ARHGAP8: variants seen among roughly 807,000 people sequenced by gnomAD.
ARHGAP8 encodes Rho GTPase activating protein 8.
ARHGAP8 carries 62 observed loss-of-function variants against 46.1 expected under a neutral mutation model. The observed-to-expected ratio is 1.34, with a 90% CI of 1.10 to 1.66. The LOEUF (loss-of-function observed/expected upper bound fraction) is 1.66, where lower values mean the gene tolerates loss of function less well. Among genes scored for constraint, ARHGAP8 ranks in the 40% most tolerant of loss-of-function variants. ARHGAP8 has a pLI of 0.00. For synonymous variants in ARHGAP8, 375 were observed against 243.1 expected, an observed-to-expected ratio of 1.54 and a Z score of -5.05; for missense variants, 923 against 568.4, an observed-to-expected ratio of 1.62 and a Z score of -6.34.
intron 7 of ARHGAP8, among the ~76,000 whole-genome samples, chr22:44,845,052 A>G (rs2069919613): frequency 6.6e-6 from 1 of 152,142 alleles, no homozygotes; most frequent in Non-Finnish European, 1.5e-5. Flanking sequence ...CTGTATCATA[A>G]ATATCCCTTT....
At chr22:44,786,400 C>G in intron 1 of ARHGAP8, 57 bp from the exon 2 acceptor site, 3 of 1,534,030 alleles carry the variant, frequency 2.0e-6, no homozygotes, top group Non-Finnish European at 2.6e-6. Flanking sequence ...AGGAGGCTCC[C>G]TCATTCCCCG....
In ARHGAP8 at chr22:44,825,474, T is replaced by G; in HGVS notation, c.486-9T>G. 18 of 1,609,046 alleles carry G rather than the reference T, an allele frequency of 1.1e-5. No individual in the cohort carries two copies. The highest frequency in any genetic ancestry group is 1.5e-5 in the Non-Finnish European group (18 of 1,176,962). ...CCAGGTGAGATCCCAGCCTCTGTTGTGTCTACAGGTACGATGAGAAGCTCC... is the reference window on the plus strand; with the variant it reads ...CCAGGTGAGATCCCAGCCTCTGTTGGGTCTACAGGTACGATGAGAAGCTCC... On this transcript the variant is annotated splice_polypyrimidine_tract_variant and intron_variant, in intron 6 of 11. Coordinates refer to ENST00000356099, the MANE Select transcript of ARHGAP8 (RefSeq NM_181335.3).
intron 1 of ARHGAP8, among the ~76,000 whole-genome samples, chr22:44,756,736 AATT>A (rs1216222584): frequency 6.6e-6 from 1 of 151,916 alleles, no homozygotes; most frequent in Non-Finnish European, 1.5e-5. Context: ...TTTTCTAAAA[AATT>A]ATTTTTTCCT....
At chr22:44,815,888 T>G (rs542484005) in intron 5 of ARHGAP8, among the ~76,000 whole-genome samples, 3 of 151,468 alleles carry the variant, frequency 2.0e-5, no homozygotes, top group Admixed American at 2.0e-4. Flanking sequence ...ATGTCGTTCT[T>G]GCACGGTGGC....
intron 7 of ARHGAP8, among the ~76,000 whole-genome samples, chr22:44,842,188 CT>C (rs1256215018): frequency 1.3e-5 from 2 of 152,124 alleles, no homozygotes; most frequent in African/African-American, 4.8e-5. Flanking sequence ...GAAACCCCGT[CT>C]CTACTAAAAA....
intron 10 of ARHGAP8, among the ~76,000 whole-genome samples, chr22:44,855,371 C>T (rs560566191): frequency 2.0e-5 from 3 of 151,664 alleles, no homozygotes; most frequent in Admixed American, 2.0e-4. Context: ...CACCATGTTG[C>T]CCAGGCTGGT....
intron 7 of ARHGAP8, among the ~76,000 whole-genome samples, chr22:44,830,393 A>G (rs1365302089): frequency 2.6e-5 from 4 of 151,916 alleles, no homozygotes; most frequent in African/African-American, 9.7e-5. Context: ...GTGCAGTGGC[A>G]CAATCTTGGC....
chr22:44,811,727 T>G (rs1929347796), intron 4 of ARHGAP8, among the ~76,000 whole-genome samples: 2 of 152,088 alleles, frequency 1.3e-5, no homozygotes, highest in East Asian at 1.9e-4. Flanking sequence ...TAGAATTAGA[T>G]GAGATCGCCT....
intron 7 of ARHGAP8, among the ~76,000 whole-genome samples, chr22:44,832,485 C>G (rs1268137818): frequency 1.3e-5 from 2 of 152,100 alleles, no homozygotes; most frequent in African/African-American, 4.8e-5. Flanking sequence ...ATCAGCCTCC[C>G]AAAGTGCTCA....
intron 1 of ARHGAP8, chr22:44,786,137 CGCATAGTGGGTGCTCGGCTGATGTCGAGT>C (rs1420045339): frequency 2.2e-6 from 1 of 461,584 alleles, no homozygotes; most frequent in Non-Finnish European, 3.9e-6. Flanking sequence ...TGAGGTAGGT[CGCATAGTGGGTGCTCGGCTGATGTCGAGT>C]GCATAATGGG....
At chr22:44,834,796 C>G (rs991106720) in intron 7 of ARHGAP8, among the ~76,000 whole-genome samples, 8 of 152,116 alleles carry the variant, frequency 5.3e-5, no homozygotes, top group African/African-American at 1.7e-4. Context: ...TTGTTAGGTG[C>G]ATACATTTTT....
At chr22:44,788,308 AG>A (rs1927425703) in intron 2 of ARHGAP8, among the ~76,000 whole-genome samples, 1 of 151,670 alleles carries the variant, frequency 6.6e-6, no homozygotes, top group Admixed American at 6.6e-5. Context: ...TAGTAGAGAC[AG>A]GGTTTTGCCA....
At chr22:44,852,452 T>C (rs2070121106) in intron 10 of ARHGAP8, among the ~76,000 whole-genome samples, 1 of 152,124 alleles carries the variant, frequency 6.6e-6, no homozygotes, top group Non-Finnish European at 1.5e-5. Context: ...CACCTGCCTT[T>C]CTTAGATTCC....
chr22:44,800,606 G>T (rs1274802080), intron 2 of ARHGAP8, among the ~76,000 whole-genome samples: 1 of 81,342 alleles, frequency 1.2e-5, no homozygotes, highest in Non-Finnish European at 2.3e-5. Flanking sequence ...GCCCCTCCCC[G>T]CAGCTGTCCA....
intron 5 of ARHGAP8, among the ~76,000 whole-genome samples, chr22:44,815,790 A>G (rs186277320): frequency 2.0e-5 from 3 of 151,810 alleles, no homozygotes; most frequent in East Asian, 3.9e-4. Flanking sequence ...GGCATCTTGT[A>G]TTTTCTTCCG....
chr22:44,782,933 A>G (rs1049332219), intron 1 of ARHGAP8, among the ~76,000 whole-genome samples: 13 of 152,150 alleles, frequency 8.5e-5, no homozygotes, highest in African/African-American at 3.1e-4. Flanking sequence ...AAACATCAGG[A>G]GGCCTCCACT....
rs1021961009 is a variant in ARHGAP8, at chr22:44,796,383, C to T, written c.80-5694C>T. Among the ~76,000 whole-genome samples, 12 of 152,022 alleles carry T rather than the reference C, an allele frequency of 7.9e-5. No homozygotes were observed. The East Asian group carries it at 9.7e-4, about 12-fold the overall frequency. ...CAGGGTGGGCCGATGCTGTATCATT[C>T]GGAATGCGGCTGGCCCTCGTCCCCA... On this transcript the variant is annotated intron_variant, in intron 2 of 11. Transcript: ENST00000356099.
intron 2 of ARHGAP8, among the ~76,000 whole-genome samples, chr22:44,793,490 T>G (rs886203685): frequency 2.0e-5 from 3 of 152,194 alleles, no homozygotes; most frequent in African/African-American, 7.2e-5. Flanking sequence ...AAAGGGGTCT[T>G]CAGCTCTCCT....
intron 5 of ARHGAP8, among the ~76,000 whole-genome samples, chr22:44,815,301 G>T (rs781285492): frequency 6.6e-6 from 1 of 152,176 alleles, no homozygotes; most frequent in Non-Finnish European, 1.5e-5. Context: ...GGTGCCCAGG[G>T]TTTTTGTTGC....
Sources: gnomAD v4.1 joint callset for allele counts (sites outside exome capture counted in the v4.1 genomes callset) on GRCh38, gnomAD v4.1.1 for gene constraint, MANE v1.5 for transcripts, NCBI Gene and HGNC (gene_info 2026-07-23, HGNC 2026-07-21) for gene names.